Variants in C18orf63 observed in about 807,000 individuals in gnomAD.
C18orf63 encodes the protein uncharacterized protein C18orf63.
In C18orf63, 50 loss-of-function variants were observed where a neutral mutation model predicts 75.3. That is an observed-to-expected ratio of 0.66 (90% confidence interval 0.53 to 0.84). The LOEUF (loss-of-function observed/expected upper bound fraction) is 0.84. C18orf63 is among the 40% of genes least tolerant of loss of function. The probability of loss-of-function intolerance (pLI) is 0.00; values close to 1 mark genes in which losing one functional copy is unlikely to be tolerated. For missense variants in C18orf63, 732 were observed against 800.2 expected (o/e 0.91, Z 1.03); for synonymous variants, 232 against 267.6 (o/e 0.87, Z 1.30).
intron 7 of C18orf63, among the ~76,000 whole-genome samples, chr18:74,332,881 T>C (rs938527552): frequency 2.0e-5 from 3 of 152,196 alleles, no homozygotes; most frequent in Non-Finnish European, 2.9e-5. Context: ...TGAAGACTAA[T>C]ATTGTGGCTT....
chr18:74,348,049 A>T (rs755461539), intron 11 of C18orf63, among the ~76,000 whole-genome samples: 1 of 152,182 alleles, frequency 6.6e-6, no homozygotes, highest in Non-Finnish European at 1.5e-5. Context: ...CTTAATATCT[A>T]TTAAGTACTA....
chr18:74,353,139 T>C (rs1208054610), intron 11 of C18orf63, 107 bp from the exon 12 acceptor site: 2 of 765,374 alleles, frequency 2.6e-6, no homozygotes, highest in South Asian at 4.0e-5. Context: ...CTGTAAATCA[T>C]AGTGTTGCTT....
chr18:74,332,433 G>A lies in C18orf63; in HGVS notation c.501+1491G>A, dbSNP rs565645309. Among the ~76,000 whole-genome samples the A allele has an allele frequency of 2.3e-4, 35 of 152,250 alleles. No individual in the cohort carries two copies. The East Asian group carries it at 2.3e-3, about 10-fold the overall frequency. ...TAAAGGCTCCACATTGGCTCAGCACGGTGGCTCACACCTGTAATCCCAGCA... is the reference window on the plus strand; with the variant it reads ...TAAAGGCTCCACATTGGCTCAGCACAGTGGCTCACACCTGTAATCCCAGCA... On this transcript the variant is annotated intron_variant, in intron 7 of 13. Coordinates refer to ENST00000579455, the MANE Select transcript of C18orf63 (RefSeq NM_001174123.2).
chr18:74,335,837 C>T (rs1442059355), intron 7 of C18orf63, among the ~76,000 whole-genome samples: 1 of 152,056 alleles, frequency 6.6e-6, no homozygotes, highest in Admixed American at 6.5e-5. Flanking sequence ...AAGAAGGGAA[C>T]ATTTACTGAG....
At chr18:74,331,366 T>C (rs1984303183) in intron 7 of C18orf63, among the ~76,000 whole-genome samples, 1 of 152,208 alleles carries the variant, frequency 6.6e-6, no homozygotes, top group Non-Finnish European at 1.5e-5. Context: ...CACATAACAC[T>C]TTCTGTCTTC....
intron 6 of C18orf63, 119 bp from the exon 7 acceptor site, chr18:74,330,747 G>GA (rs1216646766): frequency 8.5e-6 from 4 of 469,718 alleles, no homozygotes; most frequent in African/African-American, 2.0e-5. Flanking sequence ...ACCATGTGCG[G>GA]AAAAAAATCT....
chr18:74,342,163 AT>A, intron 9 of C18orf63, 35 bp downstream of exon 9: 1 of 1,424,128 alleles, frequency 7.0e-7, no homozygotes, highest in South Asian at 1.2e-5. Context: ...ATTAGAAGTT[AT>A]TTGATTTTTG....
Position 74,322,729 on chromosome 18 carries a change from C to T in C18orf63, c.245C>T (p.Ala82Val). 7.4e-7 allele frequency: 1 copy of T among 1,352,890 alleles called. No individual in the cohort carries two copies. The highest frequency in any genetic ancestry group is 2.6e-5 in the East Asian group (1 of 39,178). 83.8% of individuals were successfully genotyped at this position (1,352,890 alleles called of 1,614,324 possible). The change falls in exon 4 of 14, where the codon GCC (alanine) becomes GTC (valine). Residue 82 changes from alanine (A) to valine (V), a missense_variant. This residue lies in a region of C18orf63 where 233 missense variants were observed against 272.7 expected (regional missense o/e 0.85). Transcript: ENST00000579455. ...IPFYKARKLN[A>V]YVEKYGAKME... ...TTTTATAAAGCAAGAAAACTTAATG[C>T]CTATGTTGAAAAATATGGAGCTAAG...
At chr18:74,344,961 G>A (rs1175583291) in intron 11 of C18orf63, among the ~76,000 whole-genome samples, 3 of 151,974 alleles carry the variant, frequency 2.0e-5, no homozygotes, top group Non-Finnish European at 4.4e-5. Flanking sequence ...AACTTTGCTG[G>A]CTACACCAAA....
intron 11 of C18orf63, among the ~76,000 whole-genome samples, chr18:74,347,275 C>T (rs1405687057): frequency 6.6e-6 from 1 of 152,158 alleles, no homozygotes; most frequent in Admixed American, 6.6e-5. Context: ...GAAACAATAC[C>T]TGTGGAAGGC....
rs188506593 is a variant in C18orf63, at chr18:74,329,432, A to C, written c.424+396A>C. Among the ~76,000 whole-genome samples, 1,301 of 150,834 alleles carry C rather than the reference A, an allele frequency of 8.6e-3. 14 individuals carry two copies. The highest frequency in any genetic ancestry group is 0.012 in the Non-Finnish European group (803 of 67,674). ...AGATCATTGGGTTGTATAATTATTGATTAATTAGGTTGTATAAGACCTTAA... is the reference window on the plus strand; with the variant it reads ...AGATCATTGGGTTGTATAATTATTGCTTAATTAGGTTGTATAAGACCTTAA... On this transcript the variant is annotated intron_variant, in intron 6 of 13. Transcript: ENST00000579455.
Position 74,344,456 on chromosome 18 carries a change from G to A in C18orf63, c.978+754G>A, listed in dbSNP as rs531809985. ...CTGTATAGCTTAATGAATATCAAACGTCCATGTAACTATCACACAGATGAA... is the reference window on the plus strand; with the variant it reads ...CTGTATAGCTTAATGAATATCAAACATCCATGTAACTATCACACAGATGAA... On this transcript the variant is annotated intron_variant, in intron 11 of 13. Transcript: ENST00000579455. Among the ~76,000 whole-genome samples the A allele has an allele frequency of 6.7e-5, 10 of 148,390 alleles. No homozygotes were observed. The South Asian group carries it at 1.5e-3, about 22-fold the overall frequency.
At chr18:74,336,047 T>G (rs1984386155) in intron 7 of C18orf63, among the ~76,000 whole-genome samples, 1 of 152,090 alleles carries the variant, frequency 6.6e-6, no homozygotes, top group South Asian at 2.1e-4. Flanking sequence ...ATTAAGGGCC[T>G]AGCATAGTAC....
intron 11 of C18orf63, among the ~76,000 whole-genome samples, chr18:74,351,806 C>CT (rs1984671899): frequency 6.6e-6 from 1 of 152,176 alleles, no homozygotes; most frequent in Admixed American, 6.5e-5. Context: ...AACAATGGAA[C>CT]CTCCAGTAGT....
At chr18:74,330,606 C>T (rs1426011406) in intron 6 of C18orf63, among the ~76,000 whole-genome samples, 2 of 152,032 alleles carry the variant, frequency 1.3e-5, no homozygotes, top group African/African-American at 2.4e-5. Flanking sequence ...TGGGGTGTCT[C>T]ATTTTTTTTA....
chr18:74,334,957 A>C (rs1380309751), intron 7 of C18orf63, among the ~76,000 whole-genome samples: 1 of 152,166 alleles, frequency 6.6e-6, no homozygotes, highest in Non-Finnish European at 1.5e-5. Flanking sequence ...CTAAGCCTGT[A>C]ATTCCCTTTC....
chr18:74,326,791 G>A (rs1379862162), intron 4 of C18orf63, among the ~76,000 whole-genome samples: 4 of 152,110 alleles, frequency 2.6e-5, no homozygotes, highest in Non-Finnish European at 5.9e-5. Flanking sequence ...GATAAATCTG[G>A]TTCCTATTAC....
chr18:74,354,089 C>T lies in C18orf63; in HGVS notation c.1822C>T (p.Leu608=), dbSNP rs1984721192. The T allele has an allele frequency of 2.0e-6, 3 of 1,536,310 alleles. No individual in the cohort carries two copies. The highest frequency in any genetic ancestry group is 1.2e-5 in the South Asian group (1 of 84,058). The stretch of plus-strand genomic sequence containing the variant: ...AGATGGAGAAACCGAAGATCCACGA[C>T]TGCTACAGCAGCAATCAGAAAATCA... ...ESDGETEDPR[L]LQQQSENQAK... Residue 608 remains leucine, a synonymous_variant, in exon 12 of 14, where the codon CTG becomes TTG. Coordinates refer to ENST00000579455, the MANE Select transcript of C18orf63 (RefSeq NM_001174123.2).
intron 7 of C18orf63, among the ~76,000 whole-genome samples, chr18:74,336,104 A>C (rs912228181): frequency 5.3e-5 from 8 of 152,082 alleles, no homozygotes; most frequent in African/African-American, 1.9e-4. Context: ...TTATTTTATA[A>C]ATAAGTAAAT....
Sources: gnomAD v4.1 joint callset for allele counts (sites outside exome capture counted in the v4.1 genomes callset) on GRCh38, gnomAD v4.1.1 for gene constraint, gnomAD v4.1.1 regional missense constraint, MANE v1.5 for transcripts, NCBI Gene and HGNC (gene_info 2026-07-23, HGNC 2026-07-21) for gene names.